Variants in DNAH11 observed in about 807,000 individuals in gnomAD.
The protein encoded by DNAH11 is axonemal beta dynein heavy chain 11.
DNAH11 carries 442 observed loss-of-function variants against 526.0 expected under a neutral mutation model. That is an observed-to-expected ratio of 0.84 (90% CI 0.78 to 0.91). The LOEUF (loss-of-function observed/expected upper bound fraction) is 0.91. DNAH11 is among the 40% of genes least tolerant of loss of function. The probability of loss-of-function intolerance (pLI) is 0.00; values close to 1 mark genes in which losing one functional copy is unlikely to be tolerated. For missense variants in DNAH11, 6,989 were observed against 5,448.7 expected (o/e 1.28, Z -8.90); for synonymous variants, 2,461 against 1,935.9 (o/e 1.27, Z -7.12).
chr7:21,867,517 G>C (rs554583402), intron 71 of DNAH11, among the ~76,000 whole-genome samples: 1 of 152,136 alleles, frequency 6.6e-6, no homozygotes, highest in Non-Finnish European at 1.5e-5. Context: ...TTGCACTGTG[G>C]CAAATCTAAT....
chr7:21,559,012 C>A lies in DNAH11; in HGVS notation c.692+14C>A. The A allele has an allele frequency of 6.4e-7, 1 of 1,555,718 alleles. No homozygotes were observed. The highest frequency in any genetic ancestry group is 8.7e-7 in the Non-Finnish European group (1 of 1,148,036). ...TTCAGAGAACAAGTACGTAACAGTA[C>A]AATATATACAGGATATTAAAGTAGA... On this transcript the variant is annotated intron_variant, in intron 3 of 81. Coordinates refer to ENST00000409508, the MANE Select transcript of DNAH11 (RefSeq NM_001277115.2).
At chr7:21,583,187 C>A (rs1198915794) in intron 9 of DNAH11, among the ~76,000 whole-genome samples, 1 of 152,068 alleles carries the variant, frequency 6.6e-6, no homozygotes, top group South Asian at 2.1e-4. Flanking sequence ...CTTGAAACTA[C>A]ACTACAAGGC....
In DNAH11 at chr7:21,651,943, C is replaced by A. The variant is rs148424598; in HGVS notation, c.4945-3889C>A. On this transcript the variant is annotated intron_variant, in intron 28 of 81. Transcript: ENST00000409508. ...CACTGTGCTGCTTTTACTCACTTCA[C>A]ACACAGACAGCTAAGCTTGTAGTTC... is the stretch of plus-strand genomic sequence containing the variant. 2.4e-3 allele frequency among the ~76,000 whole-genome samples: 371 copies of A among 152,336 alleles called. 1 individual carries two copies. The highest frequency in any genetic ancestry group is 8.5e-3 in the African/African-American group (355 of 41,588).
At position 21,625,167 on chromosome 7, in the gene DNAH11, G is replaced by A. The variant is rs911607390; in HGVS notation, c.4500+5089G>A. Among the ~76,000 whole-genome samples the A allele has an allele frequency of 3.3e-5, 5 of 151,886 alleles. No homozygotes were observed. The East Asian group carries it at 9.6e-4, about 29-fold the overall frequency. On this transcript the variant is annotated intron_variant, in intron 25 of 81. Coordinates refer to ENST00000409508, the MANE Select transcript of DNAH11 (RefSeq NM_001277115.2). Reference sequence around the variant, plus strand: ...CCACCGTGAAGCCCTCCTGTCCTAGGCCTTTCTTTTGAGGGGAAATATTTT... The same window carrying A: ...CCACCGTGAAGCCCTCCTGTCCTAGACCTTTCTTTTGAGGGGAAATATTTT...
Position 21,873,450 on chromosome 7 carries a change from C to G in DNAH11, c.12144C>G (p.Pro4048=). ...LENSIKITNE[P]PTGMLANLHA... Reference sequence around the variant, plus strand: ...ATTCCATTAAGATCACTAATGAACCCCCAACAGGGATGCTGGCCAATTTGC... The same window carrying G: ...ATTCCATTAAGATCACTAATGAACCGCCAACAGGGATGCTGGCCAATTTGC... Residue 4048 remains proline, a synonymous_variant, in exon 74 of 82, where the codon CCC becomes CCG. Transcript: ENST00000409508. The G allele has an allele frequency of 6.2e-7, 1 of 1,613,916 alleles. No individual in the cohort carries two copies. Among genetic ancestry groups the G allele is most frequent in the Non-Finnish European group, 8.5e-7 (1 of 1,179,864 alleles).
intron 79 of DNAH11, among the ~76,000 whole-genome samples, chr7:21,898,330 T>G (rs1476272169): frequency 2.0e-5 from 3 of 152,216 alleles, no homozygotes; most frequent in African/African-American, 7.2e-5. Context: ...CACAGAGATT[T>G]TCCTTGTGGT....
chr7:21,750,688 T>C (rs1305374315), intron 54 of DNAH11, among the ~76,000 whole-genome samples: 1 of 152,172 alleles, frequency 6.6e-6, no homozygotes, highest in Non-Finnish European at 1.5e-5. Flanking sequence ...TGCTGTGGGA[T>C]TGCAGAGGAG....
intron 9 of DNAH11, 67 bp downstream of exon 9, chr7:21,582,088 G>A: frequency 1.0e-6 from 1 of 999,338 alleles, no homozygotes; most frequent in Non-Finnish European, 1.6e-6. Flanking sequence ...AAATGAAAGG[G>A]GTGAATTCTC....
At chr7:21,900,212 C>T in intron 81 of DNAH11, 92 bp downstream of exon 81, 2 of 1,345,140 alleles carry the variant, frequency 1.5e-6, no homozygotes, top group East Asian at 2.4e-5. Context: ...AGCATCTCCT[C>T]ACTCACACAG....
intron 14 of DNAH11, among the ~76,000 whole-genome samples, chr7:21,598,372 C>T (rs899453015): frequency 3.0e-4 from 46 of 152,112 alleles, no homozygotes; most frequent in African/African-American, 9.4e-4. Flanking sequence ...AAGCACACTG[C>T]GTGCTCAACC....
chr7:21,766,925 C>T (rs918331373), intron 55 of DNAH11, among the ~76,000 whole-genome samples: 18 of 152,098 alleles, frequency 1.2e-4, no homozygotes, highest in Non-Finnish European at 2.2e-4. Flanking sequence ...ATTCATATAC[C>T]TCCCCTGTCC....
chr7:21,669,648 T>A (rs1435403532), intron 30 of DNAH11, among the ~76,000 whole-genome samples: 2 of 115,848 alleles, frequency 1.7e-5, no homozygotes, highest in Non-Finnish European at 3.7e-5. Flanking sequence ...TTTAAAAATG[T>A]TTTTCTTTTT....
intron 61 of DNAH11, among the ~76,000 whole-genome samples, chr7:21,790,153 G>C (rs1172859583): frequency 6.6e-6 from 1 of 151,978 alleles, no homozygotes; most frequent in Non-Finnish European, 1.5e-5. Context: ...TAAGTGCTTA[G>C]AAAATATTTT....
At chr7:21,867,769 G>A (rs752386999) in intron 71 of DNAH11, 90 bp from the exon 72 acceptor site, 35 of 1,212,252 alleles carry the variant, frequency 2.9e-5, no homozygotes, top group East Asian at 5.1e-5. Context: ...TACTTCTATC[G>A]TGTGCCTGTG....
Position 21,789,808 on chromosome 7 carries a change from T to TCTTTCTTC in DNAH11, c.10026+466_10026+467insCTTTCTTC. Among the ~76,000 whole-genome samples, 15 of 34,126 alleles carry TCTTTCTTC rather than the reference T, an allele frequency of 4.4e-4. No homozygotes were observed. In the East Asian group the frequency reaches 6.8e-3, roughly 16 times the overall value. The allele number at this position is 34,126 out of a possible 152,430, so 22.4% of individuals were successfully genotyped here. On this transcript the variant is annotated intron_variant, in intron 61 of 81. Coordinates refer to ENST00000409508, the MANE Select transcript of DNAH11 (RefSeq NM_001277115.2). ...TTCTTTCTTTCTTTCTTTCTTTCTTTTTTCTTTCTTTCTTTCTTTCTTTCT... is the reference window on the plus strand; with the variant it reads ...TTCTTTCTTTCTTTCTTTCTTTCTTTCTTTCTTCTTTCTTTCTTTCTTTCTTTCTTTCT...
intron 46 of DNAH11, 37 bp downstream of exon 46, chr7:21,735,881 C>G (rs748234273): frequency 6.5e-7 from 1 of 1,541,166 alleles, no homozygotes; most frequent in Non-Finnish European, 8.8e-7. Flanking sequence ...AACAAGGGAT[C>G]AAAAATCATC....
Position 21,635,889 on chromosome 7 carries a change from C to T in DNAH11, c.4519C>T (p.Leu1507Phe), listed in dbSNP as rs545466506. Residue 1507 changes from leucine to phenylalanine, a missense_variant, in exon 26 of 82, where the codon CTT becomes TTT. Physicochemically the swap from Leu to Phe is conservative, Grantham distance 22 (BLOSUM62 0). Coordinates refer to ENST00000409508, the MANE Select transcript of DNAH11 (RefSeq NM_001277115.2). ...EHNQVQLQTL[L>F]QSKYVEYFIE... The stretch of plus-strand genomic sequence containing the variant: ...ATTTTAGGTTCAGTTGCAGACTCTT[C>T]TTCAAAGCAAGTATGTAGAATATTT... 62 of 1,611,142 alleles carry T rather than the reference C, an allele frequency of 3.8e-5. No individual in the cohort carries two copies. The South Asian group carries it at 6.7e-4, about 18-fold the overall frequency.
rs368428210 is a variant in DNAH11, at chr7:21,880,770, C to A, written c.12264C>A (p.His4088Gln). 6.2e-7 allele frequency: 1 copy of A among 1,614,008 alleles called. No homozygotes were observed. Among genetic ancestry groups the A allele is most frequent in the South Asian group, 1.1e-5 (1 of 91,082 alleles). ...TCCTTTTTTCTCTCTGCTACTTCCA[C>A]GCCTGTGTTGCTGGGAGACTGAGGT... ...KSILFSLCYFHACVAGRLRFG... is the reference protein window; with the variant it reads ...KSILFSLCYFQACVAGRLRFG... Residue 4088 changes from histidine to glutamine, a missense_variant, in exon 75 of 82, where the codon CAC becomes CAA. By Grantham distance (24) the His-to-Gln change is conservative. Transcript: ENST00000409508.
At chr7:21,566,275 C>T (rs1562665529) in intron 6 of DNAH11, among the ~76,000 whole-genome samples, 1 of 152,130 alleles carries the variant, frequency 6.6e-6, no homozygotes, top group East Asian at 1.9e-4. Context: ...AATAATGTGG[C>T]TTCTCTTGTT....
Sources: allele counts gnomAD v4.1 joint callset (sites outside exome capture counted in the v4.1 genomes callset), GRCh38; gene constraint gnomAD v4.1.1; transcripts MANE v1.5; gene names NCBI Gene and HGNC (gene_info 2026-07-23, HGNC 2026-07-21).